Variants in ZNF782 observed in about 807,000 individuals in gnomAD.
ZNF782 encodes the protein zinc finger protein 782.
Under a neutral mutation model 13.0 loss-of-function variants are expected in ZNF782, and 12 were observed. The observed-to-expected ratio is 0.92, with a 90% confidence interval of 0.59 to 1.50. The LOEUF is 1.50. Among genes scored for constraint, ZNF782 ranks in the 40% most tolerant of loss-of-function variants. The probability of loss-of-function intolerance (pLI) is 0.00; values close to 1 mark genes in which losing one functional copy is unlikely to be tolerated. For missense variants in ZNF782, 770 were observed against 822.9 expected (o/e 0.94, Z 0.79); for synonymous variants, 284 against 283.0 (o/e 1.00, Z -0.04).
the ZNF782 span, chr9:96,887,421 A>G: frequency 6.6e-6 from 1 of 152,262 alleles, no homozygotes. Context: ...GAATTGCTAC[A>G]AGGCAATTCT....
intron 1 of ZNF782, among the ~76,000 whole-genome samples, chr9:96,866,508 G>C (rs1444768560): frequency 1.3e-5 from 2 of 152,190 alleles, no homozygotes; most frequent in African/African-American, 4.8e-5. Context: ...TTTGCTGCTG[G>C]GGTGGGGCCC....
At chr9:96,880,442 T>C (rs551923698), upstream of ZNF782, among the ~76,000 whole-genome samples, 53 of 152,160 alleles carry the variant, frequency 3.5e-4, no homozygotes, top group Non-Finnish European at 7.2e-4. Flanking sequence ...GTTTTTTAGG[T>C]TGAGAAAGTT....
chr9:96,893,173 G>C, the ZNF782 span: 1 of 152,282 alleles, frequency 6.6e-6, no homozygotes, highest in South Asian at 2.1e-4. Context: ...CCCTGACCAA[G>C]TCCTGTTTTG....
the ZNF782 span, chr9:96,895,806 T>A: frequency 1.3e-5 from 2 of 152,146 alleles, no homozygotes; most frequent in African/African-American, 4.8e-5. Flanking sequence ...ATAATTGGAA[T>A]AGACATACTC....
At chr9:96,877,559 C>T (rs546638307), upstream of ZNF782, among the ~76,000 whole-genome samples, 9 of 152,384 alleles carry the variant, frequency 5.9e-5, no homozygotes, top group South Asian at 1.9e-3. Context: ...AGACTGGGGG[C>T]TTCCCCATAG....
chr9:96,884,350 C>T, the ZNF782 span, among the ~76,000 whole-genome samples: 1 of 152,182 alleles, frequency 6.6e-6, no homozygotes, highest in Admixed American at 6.5e-5. Context: ...CCCCTCCAGG[C>T]CCTGTCATGA....
chr9:96,848,629 G>C (rs895889849), intron 3 of ZNF782, among the ~76,000 whole-genome samples: 4 of 152,058 alleles, frequency 2.6e-5, no homozygotes, highest in African/African-American at 9.7e-5. Context: ...AACCAAGGAG[G>C]TGAAAGATCT....
chr9:96,921,924 C>T, the ZNF782 span, among the ~76,000 whole-genome samples: 81 of 151,014 alleles, frequency 5.4e-4, no homozygotes, highest in East Asian at 0.014. Context: ...AAACTCCTGA[C>T]CTCATGATCC....
At chr9:96,834,703 T>TA (rs1462405079) in intron 4 of ZNF782, among the ~76,000 whole-genome samples, 1 of 152,202 alleles carries the variant, frequency 6.6e-6, no homozygotes, top group Non-Finnish European at 1.5e-5. Context: ...GTTTTTTCTT[T>TA]AAAAATCACC....
the ZNF782 span, among the ~76,000 whole-genome samples, chr9:96,900,082 A>G: frequency 2.0e-5 from 3 of 151,998 alleles, no homozygotes; most frequent in African/African-American, 7.3e-5. Context: ...TACAGGCGTG[A>G]GCCATTGTAC....
chr9:96,825,136 C>T (rs1197300002), intron 5 of ZNF782, among the ~76,000 whole-genome samples: 2 of 152,112 alleles, frequency 1.3e-5, no homozygotes, highest in Non-Finnish European at 2.9e-5. Flanking sequence ...GGAGGCATCA[C>T]ACTACCTGAC....
upstream of ZNF782, among the ~76,000 whole-genome samples, chr9:96,877,423 C>G (rs951043365): frequency 6.6e-6 from 1 of 152,234 alleles, no homozygotes; most frequent in African/African-American, 2.4e-5. Context: ...CTTCGGGGTG[C>G]TTAGCGGGGC....
chr9:96,895,269 G>A, the ZNF782 span: 38 of 152,292 alleles, frequency 2.5e-4, no homozygotes, highest in Non-Finnish European at 4.7e-4. Context: ...AGTCAAAACT[G>A]TAGTTAGAAA....
chr9:96,895,400 A>G, the ZNF782 span: 1 of 152,236 alleles, frequency 6.6e-6, no homozygotes, highest in East Asian at 1.9e-4. Flanking sequence ...CAAGTGAATA[A>G]AAGTCTAACT....
the ZNF782 span, among the ~76,000 whole-genome samples, chr9:96,897,725 T>C: frequency 1.3e-5 from 2 of 150,974 alleles, no homozygotes; most frequent in Non-Finnish European, 2.9e-5. Context: ...TCTTTTGTTC[T>C]GTGTTTCTTG....
At chr9:96,916,209 T>C in the ZNF782 span, among the ~76,000 whole-genome samples, 5 of 151,940 alleles carry the variant, frequency 3.3e-5, no homozygotes, top group Non-Finnish European at 7.4e-5. Context: ...AACTCCTTTC[T>C]GGCCTGGCGC....
the ZNF782 span, chr9:96,931,602 T>C: frequency 3.6e-4 from 324 of 904,322 alleles, 1 homozygote; most frequent in South Asian, 7.7e-4. Context: ...TCAGGGACAC[T>C]TGCAAGCTGC....
chr9:96,926,391 G>C, the ZNF782 span, among the ~76,000 whole-genome samples: 1 of 152,174 alleles, frequency 6.6e-6, no homozygotes, highest in African/African-American at 2.4e-5. Flanking sequence ...TGTTTGGTTT[G>C]GTTTTGGTAA....
chr9:96,818,134 T>A lies in ZNF782; in HGVS notation c.1889A>T (p.Lys630Met). The change falls in exon 6 of 6, where the codon AAG becomes ATG. Residue 630 changes from lysine to methionine, a missense_variant. Coordinates refer to ENST00000481138, the MANE Select transcript of ZNF782 (RefSeq NM_001001662.3). ...CNECGKAFSEKSVLRKHQRTH... is the reference protein window; with the variant it reads ...CNECGKAFSEMSVLRKHQRTH... ...TCGCTGATGTTTTCTTAGGACTGAC[T>A]TCTCACTGAAAGCTTTTCCACATTC... 1.2e-6 allele frequency: 2 copies of A among 1,614,082 alleles called. No individual in the cohort carries two copies. The highest frequency in any genetic ancestry group is 1.7e-6 in the Non-Finnish European group (2 of 1,179,978).
Sources: allele counts gnomAD v4.1 joint callset (sites outside exome capture counted in the v4.1 genomes callset), GRCh38; gene constraint gnomAD v4.1.1; transcripts MANE v1.5; gene names NCBI Gene and HGNC (gene_info 2026-07-23, HGNC 2026-07-21).